The following SBF2 variants were observed in gnomAD, a reference collection of about 807,000 sequenced individuals.
SBF2 encodes the protein SET binding factor 2.
In SBF2, 112 loss-of-function variants were observed where a neutral mutation model predicts 225.2. The observed-to-expected ratio is 0.50, with a 90% CI of 0.43 to 0.58. The LOEUF is 0.58. Among genes scored for constraint, SBF2 ranks in the 20% least tolerant of loss-of-function variants. The probability of loss-of-function intolerance (pLI) is 0.00; values close to 1 mark genes in which losing one functional copy is unlikely to be tolerated. For missense variants in SBF2, 1,996 were observed against 2,206.2 expected (o/e 0.90, Z 1.91); for synonymous variants, 763 against 773.3 (o/e 0.99, Z 0.22).
chr11:10,216,379 G>C (rs1331953163), intron 1 of SBF2, among the ~76,000 whole-genome samples: 1 of 152,128 alleles, frequency 6.6e-6, no homozygotes, highest in East Asian at 1.9e-4. Flanking sequence ...GAAAAAATGC[G>C]TCTATTCCTT....
At chr11:10,090,763 T>TAAAAAAAAAAA (rs1951748846) in intron 2 of SBF2, among the ~76,000 whole-genome samples, 1 of 24,044 alleles carries the variant, frequency 4.2e-5, no homozygotes, top group Non-Finnish European at 9.1e-5. Context: ...AGATTCCATC[T>TAAAAAAAAAAA]CAAAAAAAAA....
At chr11:10,259,457 A>C (rs1961217300) in intron 1 of SBF2, among the ~76,000 whole-genome samples, 1 of 152,136 alleles carries the variant, frequency 6.6e-6, no homozygotes, top group African/African-American at 2.4e-5. Flanking sequence ...CAACAGGAAA[A>C]CCTTGTCCTT....
chr11:10,247,727 T>C (rs1647026592), intron 1 of SBF2, among the ~76,000 whole-genome samples: 1 of 151,356 alleles, frequency 6.6e-6, no homozygotes, highest in Non-Finnish European at 1.5e-5. Flanking sequence ...AAAATAACAA[T>C]CAAAATAGGA....
intron 10 of SBF2, among the ~76,000 whole-genome samples, chr11:9,993,689 C>A (rs2134474794): frequency 6.6e-6 from 1 of 152,308 alleles, no homozygotes; most frequent in Non-Finnish European, 1.5e-5. Flanking sequence ...ACTCATGCCT[C>A]CTCAGGGCAA....
chr11:9,847,456 A>G (rs750421689), intron 22 of SBF2, among the ~76,000 whole-genome samples: 23 of 150,722 alleles, frequency 1.5e-4, no homozygotes, highest in Non-Finnish European at 3.0e-4. Context: ...TATCTCCCCA[A>G]CCTACTGTGT....
chr11:10,143,541 C>T (rs1954748556), intron 2 of SBF2, among the ~76,000 whole-genome samples: 1 of 152,110 alleles, frequency 6.6e-6, no homozygotes, highest in Non-Finnish European at 1.5e-5. Flanking sequence ...AAGAAAATAA[C>T]ACTAATTACT....
Position 10,245,456 on chromosome 11 carries a change from C to G in SBF2, c.55+48559G>C, listed in dbSNP as rs372435227. On this transcript the variant is annotated intron_variant, in intron 1 of 39. Transcript: ENST00000256190. Reference sequence around the variant, plus strand: ...TAAAACAAACAAAATGAGATATCACCTTATGTAAGAATGGCTATTATTAAA... The same window carrying G: ...TAAAACAAACAAAATGAGATATCACGTTATGTAAGAATGGCTATTATTAAA... 2.0e-5 allele frequency among the ~76,000 whole-genome samples: 3 copies of G among 151,910 alleles called. No homozygotes were observed. In the East Asian group the frequency reaches 5.8e-4, roughly 29 times the overall value.
At chr11:10,261,340 C>CTT (rs1961411440) in intron 1 of SBF2, among the ~76,000 whole-genome samples, 1 of 152,166 alleles carries the variant, frequency 6.6e-6, no homozygotes, top group Non-Finnish European at 1.5e-5. Flanking sequence ...GTAGTGGGGA[C>CTT]TACAAGCACA....
intron 16 of SBF2, among the ~76,000 whole-genome samples, chr11:9,906,445 A>G (rs1374715321): frequency 6.6e-6 from 1 of 152,262 alleles, no homozygotes; most frequent in Non-Finnish European, 1.5e-5. Context: ...ACAGGCAATC[A>G]TAAAACATTT....
chr11:10,225,876 T>C (rs1171375824), intron 1 of SBF2, among the ~76,000 whole-genome samples: 1 of 152,180 alleles, frequency 6.6e-6, no homozygotes, highest in East Asian at 1.9e-4. Flanking sequence ...AGCACTCATA[T>C]ACCCCACAGT....
In SBF2 at chr11:10,097,219, T is replaced by C. The variant is rs1030692377; in HGVS notation, c.142-54238A>G. Among the ~76,000 whole-genome samples, 13 of 152,332 alleles carry C rather than the reference T, an allele frequency of 8.5e-5. No homozygotes were observed. The South Asian group carries it at 1.7e-3, about 19-fold the overall frequency. ...ACAGCATTCTCTCCTCCAGAGGATGTAGCAACAAGCACTTGACAACAGAGA... is the reference window on the plus strand; with the variant it reads ...ACAGCATTCTCTCCTCCAGAGGATGCAGCAACAAGCACTTGACAACAGAGA... On this transcript the variant is annotated intron_variant, in intron 2 of 39. Transcript: ENST00000256190.
intron 17 of SBF2, among the ~76,000 whole-genome samples, chr11:9,861,382 G>C (rs1197352066): frequency 6.6e-6 from 1 of 152,116 alleles, no homozygotes; most frequent in East Asian, 1.9e-4. Flanking sequence ...TGTTTTTTGA[G>C]GCCAGGCACA....
At chr11:9,921,064 C>CTTTTTTTT (rs34959264) in intron 16 of SBF2, among the ~76,000 whole-genome samples, 1 of 85,888 alleles carries the variant, frequency 1.2e-5, no homozygotes, top group Non-Finnish European at 2.1e-5. Context: ...CTGAAAACTT[C>CTTTTTTTT]TTTTTTTTTT....
At chr11:9,835,695 T>G (rs1855694036) in intron 26 of SBF2, among the ~76,000 whole-genome samples, 1 of 151,498 alleles carries the variant, frequency 6.6e-6, no homozygotes, top group Non-Finnish European at 1.5e-5. Context: ...TGCTTCTTTT[T>G]GAATTCTAGA....
At chr11:9,822,185 AAG>A (rs1209305942) in intron 28 of SBF2, among the ~76,000 whole-genome samples, 2 of 152,176 alleles carry the variant, frequency 1.3e-5, no homozygotes, top group Non-Finnish European at 2.9e-5. Context: ...ACTGAGAATT[AAG>A]AGGTTTCCTA....
intron 2 of SBF2, among the ~76,000 whole-genome samples, chr11:10,080,527 A>G (rs975760090): frequency 5.3e-5 from 8 of 152,048 alleles, no homozygotes; most frequent in Admixed American, 4.6e-4. Flanking sequence ...ACAAAACCCT[A>G]CTAAACCTAA....
intron 6 of SBF2, among the ~76,000 whole-genome samples, chr11:10,011,545 G>A (rs536328254): frequency 1.3e-5 from 2 of 152,152 alleles, no homozygotes; most frequent in South Asian, 4.1e-4. Context: ...TATAGAGCAG[G>A]TCTACTAGCG....
chr11:10,053,695 C>T (rs2134724411), intron 2 of SBF2, among the ~76,000 whole-genome samples: 1 of 151,566 alleles, frequency 6.6e-6, no homozygotes, highest in East Asian at 1.9e-4. Flanking sequence ...TAAGAGGCTG[C>T]AATGAGCTGA....
At chr11:10,227,436 A>C (rs1375764640) in intron 1 of SBF2, among the ~76,000 whole-genome samples, 2 of 152,102 alleles carry the variant, frequency 1.3e-5, no homozygotes, top group Admixed American at 6.5e-5. Context: ...GTTTTCTTCT[A>C]GGGTTTTTAT....
Sources: allele counts gnomAD v4.1 joint callset (sites outside exome capture counted in the v4.1 genomes callset), GRCh38; gene constraint gnomAD v4.1.1; transcripts MANE v1.5; gene names NCBI Gene and HGNC (gene_info 2026-07-23, HGNC 2026-07-21).